CAMK2D: variants seen among roughly 807,000 people sequenced by gnomAD.
CAMK2D encodes calcium/calmodulin-dependent protein kinase type II subunit delta.
Under a neutral mutation model 84.0 loss-of-function variants are expected in CAMK2D, and 37 were observed. That is an observed-to-expected ratio of 0.44 (90% CI 0.34 to 0.58). The LOEUF (loss-of-function observed/expected upper bound fraction) is 0.58, where lower values mean the gene tolerates loss of function less well. CAMK2D is among the 20% of genes least tolerant of loss of function. The probability of loss-of-function intolerance (pLI) is 0.02; values close to 1 mark genes in which losing one functional copy is unlikely to be tolerated. For missense variants in CAMK2D, 448 were observed against 652.5 expected (o/e 0.69, Z 3.41); for synonymous variants, 202 against 212.5 (o/e 0.95, Z 0.43).
intron 2 of CAMK2D, among the ~76,000 whole-genome samples, chr4:113,732,549 A>G (rs1044550676): frequency 5.3e-5 from 8 of 152,208 alleles, no homozygotes; most frequent in African/African-American, 1.9e-4. Flanking sequence ...AATCAAAATG[A>G]TATTAATTCA....
At chr4:113,598,282 TG>T (rs1422790631) in intron 4 of CAMK2D, among the ~76,000 whole-genome samples, 1 of 151,954 alleles carries the variant, frequency 6.6e-6, no homozygotes, top group Non-Finnish European at 1.5e-5. Context: ...GGCAATACAC[TG>T]GAAAAAACAT....
chr4:113,554,735 C>T (rs1273683704), intron 4 of CAMK2D, among the ~76,000 whole-genome samples: 2 of 151,886 alleles, frequency 1.3e-5, no homozygotes, highest in Admixed American at 6.6e-5. Flanking sequence ...CAAAATTAAG[C>T]CATAGTTATT....
intron 2 of CAMK2D, among the ~76,000 whole-genome samples, chr4:113,663,146 C>T (rs2099242025): frequency 6.6e-6 from 1 of 152,140 alleles, no homozygotes; most frequent in African/African-American, 2.4e-5. Context: ...TCTTCAAACT[C>T]CCTATCTTTT....
chr4:113,725,546 C>G (rs2099543415), intron 2 of CAMK2D, among the ~76,000 whole-genome samples: 1 of 152,046 alleles, frequency 6.6e-6, no homozygotes. Flanking sequence ...CTCTCTTGCC[C>G]TAAATAGTTC....
intron 16 of CAMK2D, among the ~76,000 whole-genome samples, chr4:113,496,164 C>T (rs1038048718): frequency 6.6e-6 from 1 of 152,156 alleles, no homozygotes; most frequent in African/African-American, 2.4e-5. Flanking sequence ...TCTAGGCACA[C>T]CCACACCCCT....
chr4:113,483,936 A>G (rs1260140687), intron 16 of CAMK2D, among the ~76,000 whole-genome samples: 1 of 152,192 alleles, frequency 6.6e-6, no homozygotes, highest in Non-Finnish European at 1.5e-5. Context: ...TTTCCATATA[A>G]GCAATAATTG....
chr4:113,737,468 T>C (rs1401404232), intron 2 of CAMK2D, among the ~76,000 whole-genome samples: 2 of 152,096 alleles, frequency 1.3e-5, no homozygotes, highest in East Asian at 3.9e-4. Context: ...GCAAGGGTAG[T>C]TGCCAGGGAC....
chr4:113,493,245 C>G (rs1407812704), intron 16 of CAMK2D, among the ~76,000 whole-genome samples: 3 of 151,808 alleles, frequency 2.0e-5, no homozygotes, highest in Admixed American at 6.6e-5. Flanking sequence ...TCTCGATGGT[C>G]TTTACATTTA....
At chr4:113,581,421 G>C (rs1005639799) in intron 4 of CAMK2D, among the ~76,000 whole-genome samples, 1 of 151,226 alleles carries the variant, frequency 6.6e-6, no homozygotes, top group Non-Finnish European at 1.5e-5. Flanking sequence ...GCTGAGGCAG[G>C]AGATTCACTT....
Position 113,452,220 on chromosome 4 carries a change from T to C in CAMK2D, c.*2325A>G, listed in dbSNP as rs2097262612. The C allele has an allele frequency of 6.6e-6, 1 of 151,810 alleles. No individual in the cohort carries two copies. Among genetic ancestry groups the C allele is most frequent in the African/African-American group, 2.4e-5 (1 of 41,350 alleles). The allele number at this position is 151,810 out of a possible 1,614,324, so 9.4% of individuals were successfully genotyped here. A position where few individuals can be genotyped will look rare whatever the true frequency, so the allele number is the denominator to read the frequency against. On this transcript the variant is annotated 3_prime_UTR_variant, in exon 21 of 21. Coordinates refer to ENST00000511664, the MANE Select transcript of CAMK2D (RefSeq NM_001321571.2). ...TTTTAGGAGTCTTAGTTGTTAACTA[T>C]ATTGTTCTCAGCAACATTTTCCCAG...
At chr4:113,536,738 TTTAGAG>T (rs1306178556) in intron 7 of CAMK2D, among the ~76,000 whole-genome samples, 21 of 152,222 alleles carry the variant, frequency 1.4e-4, no homozygotes, top group African/African-American at 2.4e-5. Flanking sequence ...TTTAAATTTA[TTTAGAG>T]TTAATTTCTT....
At chr4:113,695,011 C>T (rs867068965) in intron 2 of CAMK2D, among the ~76,000 whole-genome samples, 2 of 152,090 alleles carry the variant, frequency 1.3e-5, no homozygotes, top group African/African-American at 2.4e-5. Context: ...AAATAAGTTT[C>T]GCACTTTCTA....
chr4:113,673,757 G>A (rs555569361), intron 2 of CAMK2D, among the ~76,000 whole-genome samples: 4 of 152,310 alleles, frequency 2.6e-5, no homozygotes, highest in South Asian at 2.1e-4. Flanking sequence ...CTGGTGCAAG[G>A]AGGCTGTCAA....
chr4:113,618,608 T>C (rs904356120), intron 3 of CAMK2D, among the ~76,000 whole-genome samples: 14 of 152,352 alleles, frequency 9.2e-5, no homozygotes, highest in African/African-American at 3.4e-4. Context: ...CTTGTAGACA[T>C]ATTGTACTAT....
intron 2 of CAMK2D, among the ~76,000 whole-genome samples, chr4:113,704,069 C>T (rs764679066): frequency 1.4e-4 from 21 of 151,794 alleles, no homozygotes; most frequent in Non-Finnish European, 2.9e-4. Flanking sequence ...TATAAAGTAG[C>T]CTTAGAAGCA....
intron 2 of CAMK2D, among the ~76,000 whole-genome samples, chr4:113,751,948 CAAAAT>C (rs2099618331): frequency 2.0e-5 from 3 of 151,730 alleles, no homozygotes; most frequent in South Asian, 4.2e-4. Flanking sequence ...ATATACCACA[CAAAAT>C]AAAATAAAAT....
chr4:113,501,747 C>A lies in CAMK2D; in HGVS notation c.1086+1189G>T, dbSNP rs563652210. Among the ~76,000 whole-genome samples, 10 of 152,148 alleles carry A rather than the reference C, an allele frequency of 6.6e-5. No individual in the cohort carries two copies. In the East Asian group the frequency reaches 1.9e-3, roughly 29 times the overall value. On this transcript the variant is annotated intron_variant, in intron 15 of 20. Transcript: ENST00000511664. ...ATTCATGTCAGCAAGAAATATCATG[C>A]AGCAACTCTTACAAATGATATAGCT...
At chr4:113,523,503 T>G (rs886872303) in intron 8 of CAMK2D, among the ~76,000 whole-genome samples, 1 of 151,992 alleles carries the variant, frequency 6.6e-6, no homozygotes, top group Non-Finnish European at 1.5e-5. Context: ...TAAAAAAAGG[T>G]CCCACACACT....
At chr4:113,548,622 G>A in intron 5 of CAMK2D, 1 of 1,084,206 alleles carries the variant, frequency 9.2e-7, no homozygotes, top group Non-Finnish European at 1.4e-6. Flanking sequence ...AAATAAAACT[G>A]CTTTGATTCA....
Sources: allele counts gnomAD v4.1 joint callset (sites outside exome capture counted in the v4.1 genomes callset), GRCh38; gene constraint gnomAD v4.1.1; transcripts MANE v1.5; gene names NCBI Gene and HGNC (gene_info 2026-07-23, HGNC 2026-07-21).